Variants in VDAC1 observed in about 807,000 individuals in gnomAD.
VDAC1 encodes voltage dependent anion channel 1, also known as non-selective voltage-gated ion channel VDAC1.
Under a neutral mutation model 34.7 loss-of-function variants are expected in VDAC1, and 10 were observed. That is an observed-to-expected ratio of 0.29 (90% CI 0.18 to 0.49). VDAC1 has a LOEUF of 0.49. VDAC1 is among the 20% of genes least tolerant of loss of function. The probability of loss-of-function intolerance (pLI) is 0.99; values close to 1 mark genes in which losing one functional copy is unlikely to be tolerated. For missense variants in VDAC1, 230 were observed against 347.9 expected, an observed-to-expected ratio of 0.66 and a Z score of 2.69; for synonymous variants, 130 against 136.0, an observed-to-expected ratio of 0.96 and a Z score of 0.30.
upstream of VDAC1, among the ~76,000 whole-genome samples, chr5:134,008,170 C>A (rs766634617): frequency 6.6e-6 from 1 of 152,044 alleles, no homozygotes; most frequent in Non-Finnish European, 1.5e-5. Context: ...ATCCCCGCCC[C>A]GCAGGGATGG....
At chr5:134,023,515 C>T in the VDAC1 span, among the ~76,000 whole-genome samples, 2 of 150,542 alleles carry the variant, frequency 1.3e-5, no homozygotes, top group African/African-American at 4.9e-5. Context: ...TCTTCTGGGC[C>T]CCCTCTCCAT....
chr5:133,988,467 T>A (rs936975983), intron 5 of VDAC1, among the ~76,000 whole-genome samples: 1 of 151,844 alleles, frequency 6.6e-6, no homozygotes, highest in African/African-American at 2.4e-5. Flanking sequence ...ATTCCTGTAA[T>A]CCCGGCTACT....
the VDAC1 span, among the ~76,000 whole-genome samples, chr5:134,106,122 A>G: frequency 6.6e-6 from 1 of 152,196 alleles, no homozygotes; most frequent in Admixed American, 6.5e-5. Flanking sequence ...GACCATCCTG[A>G]GTTTCAACCT....
At chr5:134,012,771 A>G in the VDAC1 span, among the ~76,000 whole-genome samples, 2 of 152,166 alleles carry the variant, frequency 1.3e-5, no homozygotes, top group Admixed American at 1.3e-4. Flanking sequence ...CAAAAAAAAG[A>G]GCCAGAATAA....
At chr5:134,017,152 C>T in the VDAC1 span, among the ~76,000 whole-genome samples, 9 of 152,270 alleles carry the variant, frequency 5.9e-5, no homozygotes, top group Non-Finnish European at 1.2e-4. Flanking sequence ...CCTCTGTTTC[C>T]TTCATAGCTT....
chr5:133,990,093 A>C (rs184795771), intron 5 of VDAC1, among the ~76,000 whole-genome samples: 5 of 152,264 alleles, frequency 3.3e-5, no homozygotes, highest in African/African-American at 1.2e-4. Flanking sequence ...AAAGGGAATA[A>C]TTCCTTCTAG....
At chr5:134,060,269 C>G in the VDAC1 span, among the ~76,000 whole-genome samples, 1 of 151,992 alleles carries the variant, frequency 6.6e-6, no homozygotes, top group Non-Finnish European at 1.5e-5. Flanking sequence ...CGTTGATGCG[C>G]TGCACGCACC....
At chr5:134,080,255 C>A in the VDAC1 span, among the ~76,000 whole-genome samples, 2 of 152,240 alleles carry the variant, frequency 1.3e-5, no homozygotes, top group Non-Finnish European at 2.9e-5. Context: ...GGCCTTTACT[C>A]CCACAAAACA....
upstream of VDAC1, among the ~76,000 whole-genome samples, chr5:134,007,742 G>T (rs564787130): frequency 6.6e-6 from 1 of 152,328 alleles, no homozygotes; most frequent in South Asian, 2.1e-4. Context: ...GTGTTGCGAA[G>T]TTAACGAGGG....
chr5:133,997,260 C>CACT (rs1336212565), intron 1 of VDAC1, among the ~76,000 whole-genome samples: 3 of 152,064 alleles, frequency 2.0e-5, no homozygotes, highest in Non-Finnish European at 4.4e-5. Context: ...GCAACCAAGG[C>CACT]ACTACTCAAA....
chr5:133,981,761 T>C (rs779367446), intron 5 of VDAC1, among the ~76,000 whole-genome samples: 1 of 152,178 alleles, frequency 6.6e-6, no homozygotes. Flanking sequence ...GAGAACAAGA[T>C]CACATCCAAC....
chr5:134,016,240 G>A, the VDAC1 span, among the ~76,000 whole-genome samples: 2 of 151,966 alleles, frequency 1.3e-5, no homozygotes, highest in African/African-American at 2.4e-5. Context: ...CAGCAAACTC[G>A]GGCCCAGTGC....
the VDAC1 span, among the ~76,000 whole-genome samples, chr5:134,010,515 T>C: frequency 6.6e-6 from 1 of 152,032 alleles, no homozygotes; most frequent in Admixed American, 6.6e-5. Context: ...GGAGAATGGC[T>C]TGAACCCGAG....
the VDAC1 span, among the ~76,000 whole-genome samples, chr5:134,010,052 G>A: frequency 5.9e-5 from 9 of 152,276 alleles, no homozygotes; most frequent in African/African-American, 1.9e-4. Flanking sequence ...CTTTAAGAAA[G>A]TCATATGAGG....
At chr5:134,033,408 G>A in the VDAC1 span, among the ~76,000 whole-genome samples, 1 of 151,294 alleles carries the variant, frequency 6.6e-6, no homozygotes, top group African/African-American at 2.4e-5. Context: ...CGCCCGCCTC[G>A]GCCTCCCAAA....
At chr5:134,051,193 G>A in the VDAC1 span, among the ~76,000 whole-genome samples, 1 of 152,220 alleles carries the variant, frequency 6.6e-6, no homozygotes, top group East Asian at 1.9e-4. Context: ...AAGGAGCACT[G>A]CCCAGGAGCC....
At chr5:134,006,369 G>T (rs1753750582), upstream of VDAC1, among the ~76,000 whole-genome samples, 1 of 152,130 alleles carries the variant, frequency 6.6e-6, no homozygotes, top group Admixed American at 6.6e-5. Context: ...AACAGATGCC[G>T]GTGCAACCCA....
the VDAC1 span, among the ~76,000 whole-genome samples, chr5:134,103,793 C>T: frequency 6.6e-6 from 1 of 152,368 alleles, no homozygotes; most frequent in South Asian, 2.1e-4. Flanking sequence ...CAGAACACCA[C>T]ACTATCTTGT....
the VDAC1 span, among the ~76,000 whole-genome samples, chr5:134,036,107 C>G: frequency 6.6e-6 from 1 of 151,290 alleles, no homozygotes. Flanking sequence ...CAAAATATGA[C>G]AAGAAATATA....
Sources: gnomAD v4.1 joint callset for allele counts (sites outside exome capture counted in the v4.1 genomes callset) on GRCh38, gnomAD v4.1.1 for gene constraint, MANE v1.5 for transcripts, NCBI Gene and HGNC (gene_info 2026-07-23, HGNC 2026-07-21) for gene names.